The following OR56A1 variants were observed in gnomAD, a reference collection of about 807,000 sequenced individuals.
The protein encoded by OR56A1 is olfactory receptor 56A1.
For synonymous variants in OR56A1, 174 were observed against 159.1 expected (o/e 1.09, Z -0.70); for missense variants, 360 against 380.9 (o/e 0.94, Z 0.46).
chr11:6,029,914 C>A (rs1412724156), intron 1 of OR56A1, among the ~76,000 whole-genome samples: 1 of 152,178 alleles, frequency 6.6e-6, no homozygotes, highest in Non-Finnish European at 1.5e-5. Flanking sequence ...TATGTATCAA[C>A]CTGGGTTTCC....
intron 1 of OR56A1, 46 bp from the exon 2 acceptor site, chr11:6,027,772 T>G (rs977845671): frequency 5.0e-6 from 6 of 1,207,066 alleles, no homozygotes; most frequent in African/African-American, 1.5e-5. Context: ...CAAATTGCTT[T>G]GAAAAGTATC....
At position 6,020,231 on chromosome 11, in the gene OR56A1, G is replaced by A. The variant is rs1332964539; in HGVS notation, c.*6517C>T. 6.6e-6 allele frequency: 1 copy of A among 152,066 alleles called. No homozygotes were observed. Among genetic ancestry groups the A allele is most frequent in the Non-Finnish European group, 1.5e-5 (1 of 67,970 alleles). 9.4% of individuals were successfully genotyped at this position (152,066 alleles called of 1,614,324 possible). A position where few individuals can be genotyped will look rare whatever the true frequency, so the allele number is the denominator to read the frequency against. On this transcript the variant is annotated 3_prime_UTR_variant, in exon 2 of 2. Coordinates refer to ENST00000641900, the MANE Select transcript of OR56A1 (RefSeq NM_001388488.1). ...ATAATCATAGCAGAATGTCAAGGCAGATTTCAAGTATATGTTTGAACAGTC... is the reference window on the plus strand; with the variant it reads ...ATAATCATAGCAGAATGTCAAGGCAAATTTCAAGTATATGTTTGAACAGTC...
Position 6,027,457 on chromosome 11 carries a change from G to T in OR56A1, c.236C>A (p.Thr79Asn), listed in dbSNP as rs765852272. 6.2e-6 allele frequency: 10 copies of T among 1,614,216 alleles called. No individual in the cohort carries two copies. The South Asian group carries it at 1.1e-4, about 18-fold the overall frequency. ...LSLLDIVLCL[T>N]VIPKVLAIFW... is the part of the protein sequence containing the mutation. ...GATGGCCAGGACCTTGGGGATGACG[G>T]TGAGGCAGAGCACGATGTCCAGCAG... The change falls in exon 2 of 2, where the codon ACC becomes AAC. Residue 79 changes from threonine (T) to asparagine (N), a missense_variant. Thr to Asn is a moderately conservative substitution (Grantham distance 65, BLOSUM62 0). Transcript: ENST00000641900.
rs1215403442 is a variant in OR56A1 at position 6,027,265 on chromosome 11, A to G, written c.428T>C (p.Phe143Ser). ...LRYPSIITNQ[F>S]VAKASVFIVV... Reference sequence around the variant, plus strand: ...AATGAAGACACTAGCTTTGGCCACAAATTGATTAGTGATGATGGATGGGTA... The same window carrying G: ...AATGAAGACACTAGCTTTGGCCACAGATTGATTAGTGATGATGGATGGGTA... Residue 143 changes from phenylalanine (F) to serine (S), a missense_variant, in exon 2 of 2, where the codon TTT becomes TCT. Coordinates refer to ENST00000641900, the MANE Select transcript of OR56A1 (RefSeq NM_001388488.1). 1.2e-6 allele frequency: 2 copies of G among 1,614,228 alleles called. No homozygotes were observed. The highest frequency in any genetic ancestry group is 2.2e-5 in the East Asian group (1 of 44,890).
rs1196833050 is a variant in OR56A1, at chr11:6,020,489, C to A, written c.*6259G>T. 1 of 152,086 alleles carries A rather than the reference C, an allele frequency of 6.6e-6. No individual in the cohort carries two copies. The highest frequency in any genetic ancestry group is 2.4e-5 in the African/African-American group (1 of 41,436). 9.4% of individuals were successfully genotyped at this position (152,086 alleles called of 1,614,324 possible). A position where few individuals can be genotyped will look rare whatever the true frequency, so the allele number is the denominator to read the frequency against. Reference sequence around the variant, plus strand: ...TTGTATCTCCTCTGATTTCTTTGAGCAGTGTTTGGTAATTCTCACTGTAGA... The same window carrying A: ...TTGTATCTCCTCTGATTTCTTTGAGAAGTGTTTGGTAATTCTCACTGTAGA... On this transcript the variant is annotated 3_prime_UTR_variant, in exon 2 of 2. Transcript: ENST00000641900.
chr11:6,033,789 T>A (rs1848533959), upstream of OR56A1, among the ~76,000 whole-genome samples: 1 of 152,186 alleles, frequency 6.6e-6, no homozygotes, highest in Non-Finnish European at 1.5e-5. Flanking sequence ...ATGATCTTGA[T>A]TAAATATGAA....
In OR56A1 at chr11:6,024,989, C is replaced by A. The variant is rs1160900767; in HGVS notation, c.*1759G>T. The A allele has an allele frequency of 6.6e-6, 1 of 152,186 alleles. No homozygotes were observed. The highest frequency in any genetic ancestry group is 1.5e-5 in the Non-Finnish European group (1 of 68,038). The allele number at this position is 152,186 out of a possible 1,614,324, so 9.4% of individuals were successfully genotyped here. A position where few individuals can be genotyped will look rare whatever the true frequency, so the allele number is the denominator to read the frequency against. On this transcript the variant is annotated 3_prime_UTR_variant, in exon 2 of 2. Coordinates refer to ENST00000641900, the MANE Select transcript of OR56A1 (RefSeq NM_001388488.1). The stretch of plus-strand genomic sequence containing the variant: ...CTGGAAGAAACTCTCCTCCTAGAGC[C>A]CACACCAGCATTGGGTTACAGTTAC...
At chr11:6,032,414 G>A (rs1424447703), upstream of OR56A1, among the ~76,000 whole-genome samples, 3 of 152,118 alleles carry the variant, frequency 2.0e-5, no homozygotes, top group African/African-American at 7.2e-5. Flanking sequence ...CCTCCACTCT[G>A]CTGTGAAATA....
In OR56A1 at chr11:6,022,481, G is replaced by A. The variant is rs902080952; in HGVS notation, c.*4267C>T. On this transcript the variant is annotated 3_prime_UTR_variant, in exon 2 of 2. Transcript: ENST00000641900. ...CTTTAATTGCATTGACTAATTCAAT[G>A]CGTGTGGGTTTTTAGTGTACTCTGC... The A allele has an allele frequency of 3.3e-5, 5 of 152,110 alleles. No homozygotes were observed. Among genetic ancestry groups the A allele is most frequent in the Admixed American group, 2.0e-4 (3 of 15,276 alleles). 9.4% of individuals were successfully genotyped at this position (152,110 alleles called of 1,614,324 possible). A position where few individuals can be genotyped will look rare whatever the true frequency, so the allele number is the denominator to read the frequency against.
chr11:6,026,878 G>GACATCCTTCTTTCT lies in OR56A1; in HGVS notation c.814_815insAGAAAGAAGGATGT (p.Pro272GlnfsTer10). Reference sequence around the variant, plus strand: ...GTTCAGCAGGATCAGGATGTCCATGGGGACCTTCTTTCTGGCCACGTTTGT... The same window carrying GACATCCTTCTTTCT: ...GTTCAGCAGGATCAGGATGTCCATGGACATCCTTCTTTCTGGACCTTCTTTCTGGCCACGTTTGT... On this transcript the variant is annotated frameshift_variant, in exon 2 of 2. Coordinates refer to ENST00000641900, the MANE Select transcript of OR56A1 (RefSeq NM_001388488.1). LOFTEE classifies it low-confidence loss of function (END_TRUNC). The GACATCCTTCTTTCT allele has an allele frequency of 6.2e-7, 1 of 1,614,092 alleles. No individual in the cohort carries two copies. The highest frequency in any genetic ancestry group is 8.5e-7 in the Non-Finnish European group (1 of 1,179,916).
Position 6,027,661 on chromosome 11 carries a change from G to T in OR56A1, c.32C>A (p.Pro11Gln). ...GCAGATGAGGAGGAATTCAGAGACTGGGACAGTGGAGCTGTTGCTGGGTGA... is the reference window on the plus strand; with the variant it reads ...GCAGATGAGGAGGAATTCAGAGACTTGGACAGTGGAGCTGTTGCTGGGTGA... MASPSNSSTV[P>Q]VSEFLLICFP... Residue 11 changes from proline to glutamine, a missense_variant, in exon 2 of 2, where the codon CCA becomes CAA. By Grantham distance (76) the Pro-to-Gln change is moderately conservative (BLOSUM62 -1). Coordinates refer to ENST00000641900, the MANE Select transcript of OR56A1 (RefSeq NM_001388488.1). 1 of 1,603,738 alleles carries T rather than the reference G, an allele frequency of 6.2e-7. No individual in the cohort carries two copies.
At chr11:6,033,801 A>T (rs777212425), upstream of OR56A1, among the ~76,000 whole-genome samples, 42 of 152,130 alleles carry the variant, frequency 2.8e-4, no homozygotes, top group Admixed American at 1.3e-4. Context: ...AAATATGAAG[A>T]ATGTTCTAAC....
chr11:6,031,324 A>G (rs989165648), upstream of OR56A1, among the ~76,000 whole-genome samples: 2 of 152,202 alleles, frequency 1.3e-5, no homozygotes, highest in African/African-American at 4.8e-5. Context: ...AGAACTAGTC[A>G]TATGGATGAA....
At position 6,026,898 on chromosome 11, in the gene OR56A1, G is replaced by T. The variant is rs750242905; in HGVS notation, c.795C>A (p.Asn265Lys). ...STILLVVVLT[N>K]VARKKVPMDI... Reference sequence around the variant, plus strand: ...CCATGGGGACCTTCTTTCTGGCCACGTTTGTCAACACCACAACCAGCAGTA... The same window carrying T: ...CCATGGGGACCTTCTTTCTGGCCACTTTTGTCAACACCACAACCAGCAGTA... The change falls in exon 2 of 2, where the codon AAC becomes AAA. Residue 265 changes from asparagine (N) to lysine (K), a missense_variant. Asn to Lys is a moderately conservative substitution (Grantham distance 94). Transcript: ENST00000641900. 1 of 1,614,040 alleles carries T rather than the reference G, an allele frequency of 6.2e-7. No individual in the cohort carries two copies. The highest frequency in any genetic ancestry group is 1.7e-5 in the Admixed American group (1 of 60,004).
At chr11:6,033,577 G>A (rs773393210), upstream of OR56A1, among the ~76,000 whole-genome samples, 1 of 151,500 alleles carries the variant, frequency 6.6e-6, no homozygotes, top group Non-Finnish European at 1.5e-5. Flanking sequence ...GCATTAAAAA[G>A]TTTTTTGGCA....
At chr11:6,033,687 A>C (rs557233946), upstream of OR56A1, among the ~76,000 whole-genome samples, 9 of 152,144 alleles carry the variant, frequency 5.9e-5, no homozygotes, top group African/African-American at 2.2e-4. Context: ...GCCTCCAGAA[A>C]ACAAGAATAT....
At position 6,026,700 on chromosome 11, in the gene OR56A1, A is replaced by C. The variant is rs1304042125; in HGVS notation, c.*48T>G. The stretch of plus-strand genomic sequence containing the variant: ...ATTTCTCTACTTCGCTGCCTAGGTA[A>C]AATCACTGAAGAGGAAGAACAGGAG... On this transcript the variant is annotated 3_prime_UTR_variant, in exon 2 of 2. Coordinates refer to ENST00000641900, the MANE Select transcript of OR56A1 (RefSeq NM_001388488.1). 8.2e-7 allele frequency: 1 copy of C among 1,216,434 alleles called. No homozygotes were observed. The highest frequency in any genetic ancestry group is 2.3e-5 in the East Asian group (1 of 43,028). The allele number at this position is 1,216,434 out of a possible 1,614,324, so 75.4% of individuals were successfully genotyped here.
rs908789422 is a variant in OR56A1, at chr11:6,020,003, G to A, written c.*6745C>T. On this transcript the variant is annotated 3_prime_UTR_variant, in exon 2 of 2. Coordinates refer to ENST00000641900, the MANE Select transcript of OR56A1 (RefSeq NM_001388488.1). ...GGACACAGTCTTAATTCTATTATAA[G>A]CATCCTGGTAAATGTAAGAGCTCTA... 2.0e-5 allele frequency: 3 copies of A among 152,022 alleles called. No individual in the cohort carries two copies. Among genetic ancestry groups the A allele is most frequent in the Admixed American group, 1.3e-4 (2 of 15,254 alleles). 9.4% of individuals were successfully genotyped at this position (152,022 alleles called of 1,614,324 possible). A position where few individuals can be genotyped will look rare whatever the true frequency, so the allele number is the denominator to read the frequency against.
At position 6,026,795 on chromosome 11, in the gene OR56A1, T is replaced by C; in HGVS notation, c.898A>G (p.Lys300Glu). ...LNPIVYGVRT[K>E]EIKQGIQKLL... ...TTCTGAATTCCCTGTTTTATCTCTT[T>C]GGTCCGAACCCCATACACAATAGGG... is the stretch of plus-strand genomic sequence containing the variant. The change falls in exon 2 of 2, where the codon AAA becomes GAA. Residue 300 changes from lysine (K) to glutamate (E), a missense_variant. Physicochemically the swap from Lys to Glu is moderately conservative, Grantham distance 56 (BLOSUM62 1). Coordinates refer to ENST00000641900, the MANE Select transcript of OR56A1 (RefSeq NM_001388488.1). 6.2e-7 allele frequency: 1 copy of C among 1,611,462 alleles called. No individual in the cohort carries two copies. Among genetic ancestry groups the C allele is most frequent in the Non-Finnish European group, 8.5e-7 (1 of 1,179,018 alleles).
Sources: gnomAD v4.1 joint callset for allele counts (sites outside exome capture counted in the v4.1 genomes callset) on GRCh38, gnomAD v4.1.1 for gene constraint, MANE v1.5 for transcripts, NCBI Gene and HGNC (gene_info 2026-07-23, HGNC 2026-07-21) for gene names.